Variants in PCDH9 observed in about 807,000 individuals in gnomAD.
PCDH9 encodes protocadherin 9, also known as protocadherin-9.
A neutral mutation model predicts 70.6 loss-of-function variants in PCDH9; 24 were observed. The observed-to-expected ratio is 0.34, with a 90% CI of 0.25 to 0.48. The LOEUF (loss-of-function observed/expected upper bound fraction) is 0.48. Ranked by LOEUF, PCDH9 falls within the 20% of genes least tolerant of loss-of-function variation. PCDH9 has a pLI of 0.99. For synonymous variants in PCDH9, 562 were observed against 558.5 expected (o/e 1.01, Z -0.09); for missense variants, 1,281 against 1,503.6 (o/e 0.85, Z 2.45).
chr13:66,483,831 C>G (rs997342323), intron 4 of PCDH9, among the ~76,000 whole-genome samples: 1 of 152,166 alleles, frequency 6.6e-6, no homozygotes, highest in Admixed American at 6.5e-5. Flanking sequence ...GCCACGCCCC[C>G]TTCCTGGGCC....
intron 4 of PCDH9, among the ~76,000 whole-genome samples, chr13:66,509,608 T>TTTCTTC (rs199552432): frequency 2.0e-5 from 3 of 151,704 alleles, no homozygotes; most frequent in Non-Finnish European, 4.4e-5. Flanking sequence ...GCAATAGTCT[T>TTTCTTC]TTCTTCTTCT....
chr13:67,215,708 T>C (rs1373675673), intron 2 of PCDH9: 1 of 152,150 alleles, frequency 6.6e-6, no homozygotes, highest in African/African-American at 2.4e-5. Context: ...ACATAAATGA[T>C]GTCTTTCTTG....
intron 4 of PCDH9, among the ~76,000 whole-genome samples, chr13:66,393,225 A>G (rs575381768): frequency 6.6e-6 from 1 of 152,320 alleles, no homozygotes; most frequent in East Asian, 1.9e-4. Context: ...TGATAATAGA[A>G]AATTCAGAAT....
chr13:67,051,306 C>T (rs1049234429), intron 2 of PCDH9, among the ~76,000 whole-genome samples: 1 of 150,178 alleles, frequency 6.7e-6, no homozygotes, highest in Non-Finnish European at 1.5e-5. Flanking sequence ...TTTGTGATGT[C>T]ATCTTTTTGG....
At chr13:66,743,628 G>T (rs2079308078) in intron 3 of PCDH9, among the ~76,000 whole-genome samples, 1 of 152,090 alleles carries the variant, frequency 6.6e-6, no homozygotes, top group Non-Finnish European at 1.5e-5. Context: ...CTCAAAAATT[G>T]CTAAGAGAGT....
intron 3 of PCDH9, among the ~76,000 whole-genome samples, chr13:66,715,604 C>G (rs1003062086): frequency 1.3e-5 from 2 of 152,122 alleles, no homozygotes; most frequent in South Asian, 4.1e-4. Flanking sequence ...ACAGATGATA[C>G]ACATATATAA....
At chr13:66,777,912 G>T (rs964682480) in intron 3 of PCDH9, among the ~76,000 whole-genome samples, 4 of 152,052 alleles carry the variant, frequency 2.6e-5, no homozygotes, top group African/African-American at 7.2e-5. Context: ...ACTGGATTAA[G>T]AAAATGTGGC....
intron 4 of PCDH9, among the ~76,000 whole-genome samples, chr13:66,546,383 G>A (rs373724171): frequency 3.3e-5 from 5 of 151,978 alleles, no homozygotes; most frequent in South Asian, 2.1e-4. Context: ...TTGTATCTTC[G>A]TTTTTAACAA....
chr13:66,591,034 A>G (rs766478902), intron 4 of PCDH9, among the ~76,000 whole-genome samples: 2 of 151,786 alleles, frequency 1.3e-5, no homozygotes, highest in Non-Finnish European at 3.0e-5. Flanking sequence ...ATGTTTAAAA[A>G]TATGTACTTC....
At chr13:66,566,646 GT>G (rs1393367117) in intron 4 of PCDH9, among the ~76,000 whole-genome samples, 7 of 152,228 alleles carry the variant, frequency 4.6e-5, no homozygotes, top group Non-Finnish European at 7.4e-5. Flanking sequence ...AACTTTGCCT[GT>G]CAGGAATTTA....
intron 2 of PCDH9, among the ~76,000 whole-genome samples, chr13:67,148,920 A>AT (rs774519415): frequency 1.3e-5 from 2 of 152,184 alleles, no homozygotes; most frequent in Non-Finnish European, 2.9e-5. Flanking sequence ...CTATTATATG[A>AT]TTTTGCCAGT....
At chr13:66,648,596 AC>A (rs1340123177) in intron 3 of PCDH9, among the ~76,000 whole-genome samples, 1 of 152,218 alleles carries the variant, frequency 6.6e-6, no homozygotes, top group Non-Finnish European at 1.5e-5. Context: ...AGCCTTTCCA[AC>A]AAGGATGGGT....
At chr13:66,611,519 C>A (rs1050922632) in intron 4 of PCDH9, among the ~76,000 whole-genome samples, 11 of 152,086 alleles carry the variant, frequency 7.2e-5, no homozygotes, top group African/African-American at 2.7e-4. Flanking sequence ...CTATTCAAAG[C>A]TGTTTTTCAG....
intron 3 of PCDH9, among the ~76,000 whole-genome samples, chr13:66,734,811 G>C (rs1430450704): frequency 2.6e-5 from 4 of 152,016 alleles, no homozygotes; most frequent in Non-Finnish European, 5.9e-5. Context: ...TTTCCAAGTG[G>C]AAGAGAAATA....
intron 3 of PCDH9, among the ~76,000 whole-genome samples, chr13:66,774,043 G>A (rs942133390): frequency 6.6e-6 from 1 of 152,098 alleles, no homozygotes; most frequent in Non-Finnish European, 1.5e-5. Context: ...CTCCCAAACT[G>A]CTGGGATTAC....
intron 3 of PCDH9, among the ~76,000 whole-genome samples, chr13:66,833,560 G>A: frequency 6.6e-6 from 1 of 151,922 alleles, no homozygotes; most frequent in East Asian, 1.9e-4. Flanking sequence ...ATTGGAATTG[G>A]GCACAATTTC....
At chr13:67,128,970 A>G (rs1192318163) in intron 2 of PCDH9, among the ~76,000 whole-genome samples, 3 of 152,150 alleles carry the variant, frequency 2.0e-5, no homozygotes, top group African/African-American at 7.2e-5. Context: ...CAGTCCCCCA[A>G]GGCAGACATA....
intron 2 of PCDH9, among the ~76,000 whole-genome samples, chr13:67,113,608 C>T (rs1031358023): frequency 2.0e-5 from 3 of 151,668 alleles, no homozygotes; most frequent in African/African-American, 4.8e-5. Context: ...AGTGCGGTGG[C>T]GCCATCTCGG....
chr13:67,201,565 A>G (rs1342673916), intron 2 of PCDH9: 1 of 152,036 alleles, frequency 6.6e-6, no homozygotes, highest in African/African-American at 2.4e-5. Context: ...AATTATCCAT[A>G]TAACATATTT....
Sources: gnomAD v4.1 joint callset for allele counts (sites outside exome capture counted in the v4.1 genomes callset) on GRCh38, gnomAD v4.1.1 for gene constraint, MANE v1.5 for transcripts, NCBI Gene and HGNC (gene_info 2026-07-23, HGNC 2026-07-21) for gene names.